Variants in PDGFD observed in about 807,000 individuals in gnomAD.
The protein encoded by PDGFD is platelet-derived growth factor D.
A neutral mutation model predicts 44.7 loss-of-function variants in PDGFD; 30 were observed. That is an observed-to-expected ratio of 0.67 (90% CI 0.50 to 0.91). The LOEUF is 0.91. Among genes scored for constraint, PDGFD ranks in the 40% least tolerant of loss-of-function variants. The probability of loss-of-function intolerance (pLI) is 0.00; values close to 1 mark genes in which losing one functional copy is unlikely to be tolerated. For synonymous variants in PDGFD, 173 were observed against 168.4 expected (o/e 1.03, Z -0.21); for missense variants, 445 against 457.8 (o/e 0.97, Z 0.25).
chr11:103,924,898 T>C (rs561696037), intron 6 of PDGFD, among the ~76,000 whole-genome samples: 8 of 152,114 alleles, frequency 5.3e-5, no homozygotes, highest in South Asian at 4.2e-4. Context: ...CGTGCCATGG[T>C]GGTTTGCTGC....
At chr11:104,045,494 T>C (rs946529531) in intron 1 of PDGFD, among the ~76,000 whole-genome samples, 6 of 151,906 alleles carry the variant, frequency 3.9e-5, no homozygotes, top group African/African-American at 1.4e-4. Context: ...AAAAAGTGAG[T>C]ACAAACTGAC....
chr11:103,939,156 T>C (rs1413166143), intron 5 of PDGFD, among the ~76,000 whole-genome samples: 1 of 152,196 alleles, frequency 6.6e-6, no homozygotes, highest in Non-Finnish European at 1.5e-5. Context: ...AGTATGGCCA[T>C]TTTCACGATA....
intron 3 of PDGFD, among the ~76,000 whole-genome samples, chr11:103,955,941 A>T (rs1015004840): frequency 1.3e-5 from 2 of 152,134 alleles, no homozygotes; most frequent in African/African-American, 4.8e-5. Flanking sequence ...TTAATCAATC[A>T]TCCACGTAAT....
At chr11:104,089,178 G>A (rs1861175924) in intron 1 of PDGFD, among the ~76,000 whole-genome samples, 1 of 152,166 alleles carries the variant, frequency 6.6e-6, no homozygotes, top group South Asian at 2.1e-4. Context: ...TTTTGAACTG[G>A]ATCCTGAAAT....
chr11:104,096,694 T>C (rs1309063888), intron 1 of PDGFD, among the ~76,000 whole-genome samples: 1 of 152,152 alleles, frequency 6.6e-6, no homozygotes, highest in Non-Finnish European at 1.5e-5. Context: ...GCCTCATAAG[T>C]GGTCAATATT....
At chr11:104,131,267 T>C (rs150556559) in intron 1 of PDGFD, among the ~76,000 whole-genome samples, 3 of 152,300 alleles carry the variant, frequency 2.0e-5, no homozygotes, top group South Asian at 2.1e-4. Flanking sequence ...CAGACTTGTG[T>C]AATACTAATA....
At chr11:103,925,423 G>A (rs767965317) in intron 6 of PDGFD, among the ~76,000 whole-genome samples, 1 of 151,856 alleles carries the variant, frequency 6.6e-6, no homozygotes, top group African/African-American at 2.4e-5. Flanking sequence ...ACATATTTCT[G>A]CATGATGTTT....
chr11:103,990,629 C>T (rs1404359221), intron 3 of PDGFD, among the ~76,000 whole-genome samples: 1 of 152,090 alleles, frequency 6.6e-6, no homozygotes. Context: ...ATTTATGAAA[C>T]TATATTGCAG....
Position 104,141,811 on chromosome 11 carries a change from C to T in PDGFD, c.124+21993G>A, listed in dbSNP as rs189565514. 5.9e-5 allele frequency among the ~76,000 whole-genome samples: 9 copies of T among 152,248 alleles called. No homozygotes were observed. In the East Asian group the frequency reaches 1.7e-3, roughly 29 times the overall value. On this transcript the variant is annotated intron_variant, in intron 1 of 6. Transcript: ENST00000393158. ...CAGCCAAGAGCAGGTAACAGGCCTC[C>T]CCTACGCCCTCCAGAAGGTGTGTGG...
chr11:103,975,415 C>A (rs1859169056), intron 3 of PDGFD, among the ~76,000 whole-genome samples: 1 of 152,050 alleles, frequency 6.6e-6, no homozygotes, highest in African/African-American at 2.4e-5. Flanking sequence ...GGATAAATTG[C>A]AAAATTTTTC....
intron 3 of PDGFD, among the ~76,000 whole-genome samples, chr11:103,987,316 C>G (rs1338299931): frequency 6.6e-6 from 1 of 152,130 alleles, no homozygotes; most frequent in East Asian, 1.9e-4. Context: ...TTTTGGGTTG[C>G]TGCTTCTAGG....
chr11:103,962,558 C>T (rs911192875), intron 3 of PDGFD, among the ~76,000 whole-genome samples: 1 of 152,176 alleles, frequency 6.6e-6, no homozygotes, highest in Admixed American at 6.5e-5. Context: ...AGTTGAGAAA[C>T]TCTTTTGCTA....
At chr11:104,102,364 A>T (rs1450713468) in intron 1 of PDGFD, among the ~76,000 whole-genome samples, 10 of 152,236 alleles carry the variant, frequency 6.6e-5, no homozygotes, top group Admixed American at 3.9e-4. Flanking sequence ...AATGCAAATC[A>T]AAACCACAAT....
intron 1 of PDGFD, among the ~76,000 whole-genome samples, chr11:104,147,555 T>C (rs1412947698): frequency 6.6e-6 from 1 of 152,290 alleles, no homozygotes; most frequent in East Asian, 1.9e-4. Flanking sequence ...TTAATCACAT[T>C]TAAATTCTAG....
chr11:103,991,195 T>C (rs1036070757), intron 3 of PDGFD, among the ~76,000 whole-genome samples: 2 of 152,104 alleles, frequency 1.3e-5, no homozygotes, highest in African/African-American at 4.8e-5. Flanking sequence ...TTTATTTTGC[T>C]GTTGATAATA....
At chr11:103,963,653 T>C (rs576588337) in intron 3 of PDGFD, among the ~76,000 whole-genome samples, 136 of 152,292 alleles carry the variant, frequency 8.9e-4, no homozygotes, top group African/African-American at 3.3e-3. Flanking sequence ...AACAGGCATA[T>C]ATAACAGTAC....
intron 3 of PDGFD, among the ~76,000 whole-genome samples, chr11:103,958,208 T>G (rs1858886414): frequency 6.6e-6 from 1 of 152,204 alleles, no homozygotes; most frequent in African/African-American, 2.4e-5. Context: ...AAAGACAGGA[T>G]GCAAGCCCTA....
chr11:104,062,808 T>C (rs533926660), intron 1 of PDGFD, among the ~76,000 whole-genome samples: 7 of 152,350 alleles, frequency 4.6e-5, no homozygotes, highest in Non-Finnish European at 7.3e-5. Context: ...ATCACCATTT[T>C]CCACAACAGA....
intron 1 of PDGFD, among the ~76,000 whole-genome samples, chr11:104,118,337 A>C (rs1227567424): frequency 6.6e-6 from 1 of 151,888 alleles, no homozygotes; most frequent in Non-Finnish European, 1.5e-5. Flanking sequence ...GTGAGGATAC[A>C]ATGAGAAGAT....
Sources: gnomAD v4.1 joint callset for allele counts (sites outside exome capture counted in the v4.1 genomes callset) on GRCh38, gnomAD v4.1.1 for gene constraint, MANE v1.5 for transcripts, NCBI Gene and HGNC (gene_info 2026-07-23, HGNC 2026-07-21) for gene names.